Variants in NUP153 observed in about 807,000 individuals in gnomAD.
NUP153 encodes the protein nuclear pore complex protein Nup153.
A neutral mutation model predicts 134.6 loss-of-function variants in NUP153; 27 were observed. That is an observed-to-expected ratio of 0.20 (90% confidence interval 0.15 to 0.28). NUP153 has a LOEUF of 0.28. NUP153 is among the 10% of genes least tolerant of loss of function. NUP153 has a pLI of 1.00. For synonymous variants in NUP153, 640 were observed against 623.5 expected, an observed-to-expected ratio of 1.03 and a Z score of -0.40; for missense variants, 1,821 against 1,731.3, an observed-to-expected ratio of 1.05 and a Z score of -0.92.
chr6:17,654,001 A>G (rs1204237624), intron 11 of NUP153, among the ~76,000 whole-genome samples: 2 of 152,202 alleles, frequency 1.3e-5, no homozygotes, highest in African/African-American at 4.8e-5. Context: ...AAAATGCACC[A>G]AAAAATAAAA....
chr6:17,636,023 G>A (rs1462269399), intron 16 of NUP153, among the ~76,000 whole-genome samples: 1 of 152,076 alleles, frequency 6.6e-6, no homozygotes, highest in Non-Finnish European at 1.5e-5. Context: ...CAGATGGGAA[G>A]ACAAAAATAT....
intron 9 of NUP153, 97 bp downstream of exon 9, chr6:17,665,142 C>A: frequency 2.5e-6 from 2 of 802,888 alleles, no homozygotes; most frequent in Admixed American, 2.7e-5. Flanking sequence ...ATGTGTTATA[C>A]AGTTGCTAGA....
At chr6:17,634,594 G>A (rs1183000622) in intron 16 of NUP153, among the ~76,000 whole-genome samples, 3 of 151,986 alleles carry the variant, frequency 2.0e-5, no homozygotes, top group African/African-American at 7.3e-5. Context: ...CCACGACCAC[G>A]CCCAGCTAAT....
intron 1 of NUP153, among the ~76,000 whole-genome samples, chr6:17,692,119 A>T (rs1440592255): frequency 1.3e-5 from 2 of 152,196 alleles, no homozygotes; most frequent in African/African-American, 2.4e-5. Context: ...TCACTCATAG[A>T]TCCCTCATGT....
intron 5 of NUP153, 56 bp from the exon 6 acceptor site, chr6:17,669,602 C>G: frequency 8.6e-7 from 1 of 1,165,494 alleles, no homozygotes; most frequent in Non-Finnish European, 1.3e-6. Flanking sequence ...GCACATATTT[C>G]ATGCAGTGAA....
At chr6:17,637,120 A>T in intron 16 of NUP153, 33 bp downstream of exon 16, 1 of 1,564,364 alleles carries the variant, frequency 6.4e-7, no homozygotes, top group Non-Finnish European at 8.7e-7. Flanking sequence ...CAGAAGTAAT[A>T]AGCAAAATTA....
chr6:17,695,126 A>T (rs1020917156), intron 1 of NUP153, among the ~76,000 whole-genome samples: 5 of 152,212 alleles, frequency 3.3e-5, no homozygotes, highest in Admixed American at 2.6e-4. Context: ...TAAAACTTAA[A>T]ATAGCTTTAA....
rs1299316875 is a variant in NUP153 at position 17,638,268 on chromosome 6, T to C, written c.1847-498A>G. On this transcript the variant is annotated intron_variant, in intron 15 of 21. Coordinates refer to ENST00000262077, the MANE Select transcript of NUP153 (RefSeq NM_005124.4). This position sits in a 1 kb window ranked among gnomAD's most constrained non-coding sequence, Gnocchi z 4.0. Reference sequence around the variant, plus strand: ...AAAATCAGCTGAGCAAGTCCTTCTGTTACCAAAACTGCTGTCATTGAGTTC... The same window carrying C: ...AAAATCAGCTGAGCAAGTCCTTCTGCTACCAAAACTGCTGTCATTGAGTTC... Among the ~76,000 whole-genome samples the C allele has an allele frequency of 6.6e-6, 1 of 152,232 alleles. No homozygotes were observed. The highest frequency in any genetic ancestry group is 6.5e-5 in the Admixed American group (1 of 15,280).
At chr6:17,647,378 C>T (rs1766251236) in intron 13 of NUP153, among the ~76,000 whole-genome samples, 1 of 152,064 alleles carries the variant, frequency 6.6e-6, no homozygotes, top group Admixed American at 6.5e-5. Context: ...TGATTAGGTC[C>T]TAGTCTTTAA....
chr6:17,704,246 C>T (rs1344295802), intron 1 of NUP153, among the ~76,000 whole-genome samples: 3 of 150,992 alleles, frequency 2.0e-5, no homozygotes, highest in Admixed American at 6.6e-5. Context: ...GAGCCAAGAT[C>T]GCGCCACTGC....
At chr6:17,626,215 G>GAAAGT (rs1168608793) in intron 18 of NUP153, 51 bp from the exon 19 acceptor site, 1 of 1,439,544 alleles carries the variant, frequency 6.9e-7, no homozygotes. Flanking sequence ...AATAGTCTCA[G>GAAAGT]AAAGTACTTT....
rs1159694970 is a variant in NUP153, at chr6:17,616,688, A to G, written c.4182T>C (p.Ala1394=). The G allele has an allele frequency of 1.9e-6, 3 of 1,611,836 alleles. No homozygotes were observed. Among genetic ancestry groups the G allele is most frequent in the South Asian group, 1.1e-5 (1 of 90,706 alleles). The change falls in exon 21 of 22, where the codon GCT becomes GCC. Residue 1394 remains alanine (A), a synonymous_variant. Coordinates refer to ENST00000262077, the MANE Select transcript of NUP153 (RefSeq NM_005124.4). The stretch of plus-strand genomic sequence containing the variant: ...TTGTAGTGCTGCTGCCAAACTGGAA[A>G]GCCGAACCTGCAATAGTTAAAGCAG... The part of the protein sequence containing the change: ...GSGTTPNSSS[A]FQFGSSTTNF...
At chr6:17,651,645 G>C (rs994016246) in intron 11 of NUP153, among the ~76,000 whole-genome samples, 1 of 152,174 alleles carries the variant, frequency 6.6e-6, no homozygotes, top group East Asian at 1.9e-4. Context: ...TCCAGTAAGA[G>C]TGGCTGTATT....
intron 5 of NUP153, among the ~76,000 whole-genome samples, chr6:17,674,547 T>C (rs1233569826): frequency 6.6e-6 from 1 of 152,120 alleles, no homozygotes; most frequent in Non-Finnish European, 1.5e-5. Context: ...GGTGGGCGCA[T>C]CACGAGGTCA....
chr6:17,649,205 G>C lies in NUP153; in HGVS notation c.1491C>G (p.Ser497=). 1.2e-6 allele frequency: 2 copies of C among 1,613,894 alleles called. No individual in the cohort carries two copies. The highest frequency in any genetic ancestry group is 4.5e-5 in the East Asian group (2 of 44,832). ...GAGACGAATTGATGGGTGATGGAGAGGAAGTTGTGATCTCAGGGGAACTAA... is the reference window on the plus strand; with the variant it reads ...GAGACGAATTGATGGGTGATGGAGACGAAGTTGTGATCTCAGGGGAACTAA... ...FNFSSPEITT[S]SPSPINSSQA... is the part of the protein sequence containing the mutation. The change falls in exon 12 of 22, where the codon TCC becomes TCG. Residue 497 remains serine (S), a synonymous_variant. Transcript: ENST00000262077.
intron 14 of NUP153, among the ~76,000 whole-genome samples, chr6:17,643,401 G>A (rs1249991127): frequency 2.0e-5 from 3 of 152,172 alleles, no homozygotes. Context: ...GAACCCAGGA[G>A]ACGGAGGTTG....
At chr6:17,671,926 T>A (rs545861134) in intron 5 of NUP153, among the ~76,000 whole-genome samples, 7 of 152,232 alleles carry the variant, frequency 4.6e-5, no homozygotes, top group African/African-American at 1.7e-4. Context: ...GAAAATTGTG[T>A]GAACCTGGGA....
At chr6:17,633,311 G>C (rs1221669015) in intron 16 of NUP153, among the ~76,000 whole-genome samples, 1 of 152,202 alleles carries the variant, frequency 6.6e-6, no homozygotes, top group African/African-American at 2.4e-5. Context: ...TGAATTTCAA[G>C]ATTTGAAAGC....
intron 5 of NUP153, among the ~76,000 whole-genome samples, chr6:17,672,518 G>A (rs570694229): frequency 1.2e-4 from 18 of 152,314 alleles, no homozygotes; most frequent in Non-Finnish European, 2.5e-4. Flanking sequence ...TCTGGTTGCA[G>A]TGAGCCATGA....
Sources: gnomAD v4.1 joint callset for allele counts (sites outside exome capture counted in the v4.1 genomes callset) on GRCh38, gnomAD v4.1.1 for gene constraint, Gnocchi (gnomAD v3.1) non-coding constraint, MANE v1.5 for transcripts, NCBI Gene and HGNC (gene_info 2026-07-23, HGNC 2026-07-21) for gene names.